The following SH3GL1 variants were observed in gnomAD, a reference collection of about 807,000 sequenced individuals.
The protein encoded by SH3GL1 is SH3 domain containing GRB2 like 1, endophilin A2, also known as endophilin-A2.
A neutral mutation model predicts 48.8 loss-of-function variants in SH3GL1; 21 were observed. The ratio of observed to expected loss-of-function variants is 0.43; its 90% CI spans 0.30 to 0.62. The LOEUF is 0.62. SH3GL1 is among the 20% of genes least tolerant of loss of function. The pLI is 0.11. For synonymous variants in SH3GL1, 282 were observed against 217.5 expected (o/e 1.30, Z -2.61); for missense variants, 454 against 503.0 (o/e 0.90, Z 0.93).
At chr19:4,370,448 CAG>C (rs1276363906) in intron 1 of SH3GL1, among the ~76,000 whole-genome samples, 7 of 152,214 alleles carry the variant, frequency 4.6e-5, no homozygotes, top group Non-Finnish European at 7.3e-5. Context: ...AGGGACCCAA[CAG>C]GGCTCAGGGG....
At chr19:4,378,815 G>A (rs867452926) in intron 1 of SH3GL1, among the ~76,000 whole-genome samples, 3 of 152,168 alleles carry the variant, frequency 2.0e-5, no homozygotes, top group Admixed American at 1.3e-4. Flanking sequence ...GTGTGGGGCC[G>A]GCCAGGGGTT....
In SH3GL1 at chr19:4,361,225, C is replaced by A. The variant is rs895387413; in HGVS notation, c.*375G>T. The A allele has an allele frequency of 9.6e-6, 3 of 313,824 alleles. No individual in the cohort carries two copies. 19.4% of individuals were successfully genotyped at this position (313,824 alleles called of 1,614,324 possible). A position where few individuals can be genotyped will look rare whatever the true frequency, so the allele number is the denominator to read the frequency against. On this transcript the variant is annotated 3_prime_UTR_variant, in exon 10 of 10. Transcript: ENST00000269886. ...CGAGGGTAGGCAGTGGGCCGGGCCC[C>A]CGTCGGGTCAGGACGGAGGTGGGGG...
intron 1 of SH3GL1, among the ~76,000 whole-genome samples, chr19:4,383,054 G>T (rs1264783869): frequency 6.6e-6 from 1 of 152,100 alleles, no homozygotes; most frequent in Non-Finnish European, 1.5e-5. Flanking sequence ...GAGTAATTGT[G>T]ATTACAAGTA....
chr19:4,362,826 C>T (rs925165958), intron 7 of SH3GL1, 90 bp from the exon 8 acceptor site: 1 of 1,594,606 alleles, frequency 6.3e-7, no homozygotes, highest in Non-Finnish European at 8.5e-7. Context: ...AATGACCTGG[C>T]CTGGGACTGC....
chr19:4,365,698 A>G (rs1647537848), intron 3 of SH3GL1, 73 bp from the exon 4 acceptor site: 1 of 1,592,902 alleles, frequency 6.3e-7, no homozygotes, highest in African/African-American at 1.3e-5. Context: ...TGCAGCCCCC[A>G]CATCTCCTCC....
At chr19:4,398,527 C>T (rs1483483208) in intron 1 of SH3GL1, among the ~76,000 whole-genome samples, 1 of 151,968 alleles carries the variant, frequency 6.6e-6, no homozygotes, top group African/African-American at 2.4e-5. Context: ...GGGTTACAGG[C>T]AAAAATACAA....
chr19:4,368,827 T>C (rs1599597226), intron 1 of SH3GL1, among the ~76,000 whole-genome samples: 1 of 152,054 alleles, frequency 6.6e-6, no homozygotes, highest in East Asian at 1.9e-4. Context: ...ATCCCAGCAC[T>C]TTGGGAGGCT....
rs879194872 is a variant in SH3GL1, at chr19:4,362,846, C to T, written c.729-110G>A. ...CCTGGCCTGGGACTGCAGGAAGAGG[C>T]CGTCAGTGGGGTTGTGACACATGGA... On this transcript the variant is annotated intron_variant, in intron 7 of 9. Coordinates refer to ENST00000269886, the MANE Select transcript of SH3GL1 (RefSeq NM_003025.4). 82 of 1,552,364 alleles carry T rather than the reference C, an allele frequency of 5.3e-5. No homozygotes were observed. In the East Asian group the frequency reaches 1.4e-3, roughly 27 times the overall value.
intron 1 of SH3GL1, among the ~76,000 whole-genome samples, chr19:4,396,784 T>C (rs1973433654): frequency 6.6e-6 from 1 of 152,180 alleles, no homozygotes; most frequent in African/African-American, 2.4e-5. Context: ...CAATATCGTC[T>C]ACCTACTAGT....
intron 1 of SH3GL1, among the ~76,000 whole-genome samples, chr19:4,397,350 C>T (rs1479423908): frequency 6.6e-6 from 1 of 152,236 alleles, no homozygotes; most frequent in Non-Finnish European, 1.5e-5. Flanking sequence ...TAACACCACA[C>T]TGTCCTTTCC....
At chr19:4,399,086 G>A (rs752859056) in intron 1 of SH3GL1, among the ~76,000 whole-genome samples, 23 of 152,260 alleles carry the variant, frequency 1.5e-4, no homozygotes, top group Non-Finnish European at 2.6e-4. Flanking sequence ...TTGGGAAGCC[G>A]AAGCAGGCGG....
chr19:4,381,934 C>T (rs919617332), intron 1 of SH3GL1, among the ~76,000 whole-genome samples: 26 of 151,832 alleles, frequency 1.7e-4, no homozygotes, highest in African/African-American at 6.1e-4. Flanking sequence ...AACAAATCGC[C>T]ACAAACCTAG....
rs375844185 is a variant in SH3GL1, at chr19:4,362,755, G to A, written c.729-19C>T. 5 of 1,613,340 alleles carry A rather than the reference G, an allele frequency of 3.1e-6. No individual in the cohort carries two copies. Among genetic ancestry groups the A allele is most frequent in the Non-Finnish European group, 3.4e-6 (4 of 1,180,002 alleles). ...CCGCATCCTGTGAAGGGAGAGGCGT[G>A]AGTGGACCGAGCCCGTGTCACGGCC... On this transcript the variant is annotated intron_variant, in intron 7 of 9. Coordinates refer to ENST00000269886, the MANE Select transcript of SH3GL1 (RefSeq NM_003025.4).
intron 1 of SH3GL1, among the ~76,000 whole-genome samples, chr19:4,386,452 C>T (rs996161070): frequency 4.7e-5 from 7 of 150,210 alleles, no homozygotes; most frequent in Admixed American, 4.6e-4. Context: ...ATTTGCATTA[C>T]TGCTTGGGTG....
At chr19:4,364,043 C>G (rs199983993) in intron 5 of SH3GL1, 45 bp downstream of exon 5, 1 of 1,611,034 alleles carries the variant, frequency 6.2e-7, no homozygotes, top group Non-Finnish European at 8.5e-7. Context: ...CTGCCCCATC[C>G]GGCAGGGGGA....
At chr19:4,368,281 G>A (rs985873752) in intron 1 of SH3GL1, among the ~76,000 whole-genome samples, 3 of 152,266 alleles carry the variant, frequency 2.0e-5, no homozygotes, top group African/African-American at 7.2e-5. Flanking sequence ...GTGGGGCTGG[G>A]GGGTGTCCAG....
chr19:4,362,702 A>G lies in SH3GL1; in HGVS notation c.763T>C (p.Tyr255His). Residue 255 changes from tyrosine (Y) to histidine (H), a missense_variant, in exon 8 of 10, where the codon TAT becomes CAT. By Grantham distance (83) the Tyr-to-His change is moderately conservative. This residue lies in a region of SH3GL1 where 278 missense variants were observed against 246.8 expected (regional missense o/e 1.13). Coordinates refer to ENST00000269886, the MANE Select transcript of SH3GL1 (RefSeq NM_003025.4). ...AAGGGCTCCCGGGGCTTGGGCTTATACTCCCGCTTAGGGCGTGAGGAAGCT... is the reference window on the plus strand; with the variant it reads ...AAGGGCTCCCGGGGCTTGGGCTTATGCTCCCGCTTAGGGCGTGAGGAAGCT... ...REASSRPKREYKPKPREPFDL... is the reference protein window; with the variant it reads ...REASSRPKREHKPKPREPFDL... 6.2e-7 allele frequency: 1 copy of G among 1,613,760 alleles called. No homozygotes were observed. The highest frequency in any genetic ancestry group is 8.5e-7 in the Non-Finnish European group (1 of 1,179,956).
intron 1 of SH3GL1, among the ~76,000 whole-genome samples, chr19:4,391,360 G>A (rs1251128277): frequency 6.6e-6 from 1 of 152,186 alleles, no homozygotes; most frequent in Non-Finnish European, 1.5e-5. Flanking sequence ...AGGGGCACCT[G>A]GAATATAATT....
At chr19:4,371,705 G>A (rs1972905020) in intron 1 of SH3GL1, among the ~76,000 whole-genome samples, 1 of 152,196 alleles carries the variant, frequency 6.6e-6, no homozygotes, top group East Asian at 1.9e-4. Context: ...GTGGTGCTTG[G>A]TAATTTCCAG....
Sources: allele counts gnomAD v4.1 joint callset (sites outside exome capture counted in the v4.1 genomes callset), GRCh38; gene constraint gnomAD v4.1.1; regional missense constraint gnomAD v4.1.1; transcripts MANE v1.5; gene names NCBI Gene and HGNC (gene_info 2026-07-23, HGNC 2026-07-21).